TENM4: variants seen among roughly 807,000 people sequenced by gnomAD.
The protein encoded by TENM4 is teneurin transmembrane protein 4.
In TENM4, 82 loss-of-function variants were observed where a neutral mutation model predicts 243.3. That is an observed-to-expected ratio of 0.34 (90% CI 0.28 to 0.40). The LOEUF is 0.40. TENM4 is among the 10% of genes least tolerant of loss of function. The pLI, the probability that TENM4 is intolerant of heterozygous loss-of-function variation, is 1.00. For missense variants in TENM4, 3,138 were observed against 3,673.3 expected (o/e 0.85, Z 3.77); for synonymous variants, 1,412 against 1,456.3 (o/e 0.97, Z 0.69).
chr11:78,944,016 C>T (rs1856959939), intron 6 of TENM4, among the ~76,000 whole-genome samples: 1 of 152,186 alleles, frequency 6.6e-6, no homozygotes, highest in Non-Finnish European at 1.5e-5. Context: ...TTTCACATGC[C>T]TTATCTCACA....
chr11:79,010,894 G>A (rs2136751764), intron 6 of TENM4, among the ~76,000 whole-genome samples: 1 of 152,336 alleles, frequency 6.6e-6, no homozygotes, highest in African/African-American at 2.4e-5. Flanking sequence ...TTAGGAGAAA[G>A]AAGACAGGCT....
At chr11:79,038,604 G>C (rs1392390931) in intron 6 of TENM4, among the ~76,000 whole-genome samples, 1 of 152,116 alleles carries the variant, frequency 6.6e-6, no homozygotes, top group Non-Finnish European at 1.5e-5. Flanking sequence ...GCAACACACA[G>C]GCAGTTGAGC....
intron 12 of TENM4, among the ~76,000 whole-genome samples, chr11:78,826,478 T>A (rs1433403870): frequency 1.3e-5 from 2 of 152,150 alleles, no homozygotes; most frequent in Non-Finnish European, 2.9e-5. Context: ...AAAACCTCTA[T>A]GTTGGCTTGG....
chr11:79,265,628 G>A (rs564347537), intron 2 of TENM4, among the ~76,000 whole-genome samples: 3 of 152,080 alleles, frequency 2.0e-5, no homozygotes, highest in East Asian at 3.9e-4. Context: ...GAGCCATTTT[G>A]CTTTCATCTA....
intron 4 of TENM4, among the ~76,000 whole-genome samples, chr11:79,118,896 G>A (rs950990100): frequency 2.0e-5 from 3 of 152,214 alleles, no homozygotes; most frequent in African/African-American, 7.2e-5. Flanking sequence ...TTGAGACCCT[G>A]CTTTTAATTC....
chr11:78,818,729 A>G (rs765004559), intron 12 of TENM4, among the ~76,000 whole-genome samples: 1 of 152,080 alleles, frequency 6.6e-6, no homozygotes, highest in Non-Finnish European at 1.5e-5. Flanking sequence ...AGTACTGTGG[A>G]TGTTCCCAAT....
At chr11:78,930,014 C>T (rs759909481) in intron 6 of TENM4, among the ~76,000 whole-genome samples, 3 of 152,130 alleles carry the variant, frequency 2.0e-5, no homozygotes, top group Non-Finnish European at 4.4e-5. Flanking sequence ...TAGATTTTAC[C>T]ATGGGTGCTT....
intron 15 of TENM4, among the ~76,000 whole-genome samples, chr11:78,795,995 ATG>A (rs1422157249): frequency 1.3e-5 from 2 of 152,170 alleles, no homozygotes; most frequent in African/African-American, 4.8e-5. Flanking sequence ...GCTTCAAGCC[ATG>A]GCTCTGTTCC....
At chr11:78,702,450 C>G in intron 27 of TENM4, 47 bp from the exon 28 acceptor site, 1 of 1,574,600 alleles carries the variant, frequency 6.4e-7, no homozygotes, top group Middle Eastern at 2.1e-4. Flanking sequence ...AGATGCCCAC[C>G]ACTAATCCAT....
chr11:79,434,265 T>C (rs2135619707), intron 1 of TENM4, among the ~76,000 whole-genome samples: 1 of 152,276 alleles, frequency 6.6e-6, no homozygotes, highest in Admixed American at 6.5e-5. Context: ...GGAGACTCCG[T>C]GGGGTTGATT....
At position 79,070,003 on chromosome 11, in the gene TENM4, G is replaced by C; in HGVS notation, c.-59C>G. Reference sequence around the variant, plus strand: ...CAGGGTCCTCGCCGCACTCAGGGCCGAGTGGTCTAGAGCCAGGGAAACCAA... The same window carrying C: ...CAGGGTCCTCGCCGCACTCAGGGCCCAGTGGTCTAGAGCCAGGGAAACCAA... On this transcript the variant is annotated 5_prime_UTR_variant, in exon 5 of 34. Transcript: ENST00000278550. 3.3e-6 allele frequency: 5 copies of C among 1,519,802 alleles called. No homozygotes were observed. The highest frequency in any genetic ancestry group is 2.0e-5 in the Admixed American group (1 of 49,314). The allele number at this position is 1,519,802 out of a possible 1,614,324, so 94.1% of individuals were successfully genotyped here. A position where few individuals can be genotyped will look rare whatever the true frequency, so the allele number is the denominator to read the frequency against.
At chr11:79,253,161 T>C (rs1276262295) in intron 2 of TENM4, among the ~76,000 whole-genome samples, 1 of 152,170 alleles carries the variant, frequency 6.6e-6, no homozygotes, top group African/African-American at 2.4e-5. Flanking sequence ...CCAAATTGCT[T>C]CTCAGCAAAT....
In TENM4 at chr11:78,655,341, G is replaced by C. The variant is rs1857865488; in HGVS notation, c.*2717C>G. 1 of 152,114 alleles carries C rather than the reference G, an allele frequency of 6.6e-6. No individual in the cohort carries two copies. Among genetic ancestry groups the C allele is most frequent in the African/African-American group, 2.4e-5 (1 of 41,410 alleles). 9.4% of individuals were successfully genotyped at this position (152,114 alleles called of 1,614,324 possible). On this transcript the variant is annotated 3_prime_UTR_variant, in exon 34 of 34. Transcript: ENST00000278550. Reference sequence around the variant, plus strand: ...CTTCTCTCCCCACAGAAGCTGGGCTGCTGTGGTGGTATGTAGCACAGGAAA... The same window carrying C: ...CTTCTCTCCCCACAGAAGCTGGGCTCCTGTGGTGGTATGTAGCACAGGAAA...
intron 12 of TENM4, among the ~76,000 whole-genome samples, chr11:78,843,442 G>A (rs1443899732): frequency 6.6e-6 from 1 of 152,092 alleles, no homozygotes; most frequent in East Asian, 1.9e-4. Context: ...AGCTATGATT[G>A]TGCCACTGGA....
intron 1 of TENM4, among the ~76,000 whole-genome samples, chr11:79,346,115 C>T (rs538948346): frequency 2.8e-4 from 43 of 152,240 alleles, no homozygotes; most frequent in Admixed American, 5.9e-4. Context: ...AATAAAACTC[C>T]GAAGTCCATT....
intron 1 of TENM4, among the ~76,000 whole-genome samples, chr11:79,321,710 C>T (rs574806342): frequency 2.6e-3 from 386 of 149,860 alleles, no homozygotes; most frequent in Non-Finnish European, 3.4e-3. Flanking sequence ...CAGAATTTCA[C>T]GGAGCTTGTT....
At chr11:79,002,134 C>T (rs1408725407) in intron 6 of TENM4, among the ~76,000 whole-genome samples, 1 of 152,110 alleles carries the variant, frequency 6.6e-6, no homozygotes, top group Admixed American at 6.5e-5. Context: ...GGTTGTGCTG[C>T]CCTTGCTGGC....
intron 3 of TENM4, among the ~76,000 whole-genome samples, chr11:79,177,965 G>A (rs539653916): frequency 6.6e-6 from 1 of 152,282 alleles, no homozygotes; most frequent in South Asian, 2.1e-4. Context: ...GATTGAAGAA[G>A]AGCAAAGAGG....
At chr11:78,696,034 G>A (rs2135745495) in intron 28 of TENM4, among the ~76,000 whole-genome samples, 1 of 151,742 alleles carries the variant, frequency 6.6e-6, no homozygotes, top group South Asian at 2.1e-4. Flanking sequence ...CAGACTATTG[G>A]ATGTTGTCCC....
Sources: allele counts gnomAD v4.1 joint callset (sites outside exome capture counted in the v4.1 genomes callset), GRCh38; gene constraint gnomAD v4.1.1; transcripts MANE v1.5; gene names NCBI Gene and HGNC (gene_info 2026-07-23, HGNC 2026-07-21).